The following FBXO22 variants were observed in gnomAD, a reference collection of about 807,000 sequenced individuals.
FBXO22 encodes the protein F-box protein 22.
FBXO22 carries 13 observed loss-of-function variants against 37.2 expected under a neutral mutation model. That is an observed-to-expected ratio of 0.35 (90% CI 0.23 to 0.56). FBXO22 has a LOEUF of 0.56. Ranked by LOEUF, FBXO22 falls within the 20% of genes least tolerant of loss-of-function variation. The pLI is 0.87. For missense variants in FBXO22, 446 were observed against 509.9 expected (o/e 0.87, Z 1.21); for synonymous variants, 189 against 189.1 (o/e 1.00, Z 0.00).
At chr15:75,907,171 A>C (rs1433331525) in intron 2 of FBXO22, among the ~76,000 whole-genome samples, 1 of 152,222 alleles carries the variant, frequency 6.6e-6, no homozygotes, top group Non-Finnish European at 1.5e-5. Flanking sequence ...AGACAGACTT[A>C]GTTGTGAACC....
intron 5 of FBXO22, among the ~76,000 whole-genome samples, chr15:75,923,745 T>A (rs1900379041): frequency 6.6e-6 from 1 of 152,216 alleles, no homozygotes; most frequent in African/African-American, 2.4e-5. Flanking sequence ...ATATGCCTTT[T>A]AAATTTTTCA....
At chr15:75,932,566 A>C (rs546343103) in intron 6 of FBXO22, 119 bp from the exon 7 acceptor site, 4 of 915,158 alleles carry the variant, frequency 4.4e-6, no homozygotes, top group Admixed American at 2.5e-5. Context: ...GGTGAGCCTC[A>C]GATTAACCAT....
chr15:75,937,153 G>A lies in FBXO22; in HGVS notation c.*4051G>A, dbSNP rs763041700. Reference sequence around the variant, plus strand: ...GGAATAAAACATAATTGACCCCAGCGACATCAGCAAAAATGGGTGGACTAG... The same window carrying A: ...GGAATAAAACATAATTGACCCCAGCAACATCAGCAAAAATGGGTGGACTAG... On this transcript the variant is annotated 3_prime_UTR_variant, in exon 7 of 7. Coordinates refer to ENST00000308275, the MANE Select transcript of FBXO22 (RefSeq NM_147188.3). 6.6e-6 allele frequency: 1 copy of A among 151,116 alleles called. No homozygotes were observed. The highest frequency in any genetic ancestry group is 1.5e-5 in the Non-Finnish European group (1 of 67,818). 9.4% of individuals were successfully genotyped at this position (151,116 alleles called of 1,614,324 possible). A position where few individuals can be genotyped will look rare whatever the true frequency, so the allele number is the denominator to read the frequency against.
At chr15:75,921,320 A>G (rs577015935) in intron 5 of FBXO22, among the ~76,000 whole-genome samples, 167 of 152,322 alleles carry the variant, frequency 1.1e-3, no homozygotes, top group African/African-American at 3.9e-3. Flanking sequence ...GTATACTACT[A>G]TATAGTTTAT....
chr15:75,905,770 T>A (rs1382987937), intron 2 of FBXO22: 1 of 152,232 alleles, frequency 6.6e-6, no homozygotes, highest in African/African-American at 2.4e-5. Flanking sequence ...AGAACATCCA[T>A]CAATTGTGTC....
intron 1 of FBXO22, 50 bp downstream of exon 1, chr15:75,904,153 G>T (rs1595908867): frequency 6.7e-7 from 1 of 1,499,010 alleles, no homozygotes. Context: ...CACGCCGTGG[G>T]CATGTCCCAG....
chr15:75,906,946 AAAC>A (rs1899942595), intron 2 of FBXO22, among the ~76,000 whole-genome samples: 1 of 152,248 alleles, frequency 6.6e-6, no homozygotes, highest in Non-Finnish European at 1.5e-5. Flanking sequence ...TTAAAAGTGA[AAAC>A]AGATTATGAA....
At chr15:75,917,146 C>A in intron 4 of FBXO22, 84 bp from the exon 5 acceptor site, 1 of 965,556 alleles carries the variant, frequency 1.0e-6, no homozygotes, top group Non-Finnish European at 1.5e-6. Flanking sequence ...GGCTTGTTAG[C>A]TTAATGATTA....
chr15:75,930,206 A>G lies in FBXO22; in HGVS notation c.794+157A>G. The G allele has an allele frequency of 2.7e-6, 4 of 1,460,010 alleles. No individual in the cohort carries two copies. The Admixed American group carries it at 1.1e-4, about 38-fold the overall frequency. 90.4% of individuals were successfully genotyped at this position (1,460,010 alleles called of 1,614,324 possible). On this transcript the variant is annotated intron_variant, in intron 6 of 6. Coordinates refer to ENST00000308275, the MANE Select transcript of FBXO22 (RefSeq NM_147188.3). Reference sequence around the variant, plus strand: ...TAGACATTGGCTAAGGGGCTTACTGAACATAATTCTGCTTACGGTTGAATA... The same window carrying G: ...TAGACATTGGCTAAGGGGCTTACTGGACATAATTCTGCTTACGGTTGAATA...
chr15:75,929,851 T>C, intron 5 of FBXO22, 33 bp from the exon 6 acceptor site: 1 of 1,611,030 alleles, frequency 6.2e-7, no homozygotes, highest in East Asian at 2.2e-5. Flanking sequence ...GTTTTAAGGC[T>C]GTCTTTAACT....
At chr15:75,915,824 C>A (rs1447379761) in intron 4 of FBXO22, among the ~76,000 whole-genome samples, 2 of 150,940 alleles carry the variant, frequency 1.3e-5, no homozygotes, top group Non-Finnish European at 2.9e-5. Flanking sequence ...TGCTTGAGCC[C>A]GGGAGGCAGA....
chr15:75,917,268 A>G lies in FBXO22; in HGVS notation c.502A>G (p.Ile168Val). Reference protein sequence around the residue: ...MGSGSNRPQEIEIGESGFALL... With the variant: ...MGSGSNRPQEVEIGESGFALL... ...ATCAGGTAGCAATCGACCTCAGGAA[A>G]TAGAAATTGGAGAATCTGGTTTTGC... The change falls in exon 5 of 7, where the codon ATA becomes GTA. Residue 168 changes from isoleucine (I) to valine (V), a missense_variant. Ile to Val is a conservative substitution (Grantham distance 29, BLOSUM62 3). Around this residue, in one of 2 missense-constraint regions of FBXO22, gnomAD observed 315 missense variants for 410.1 expected, o/e 0.77. Coordinates refer to ENST00000308275, the MANE Select transcript of FBXO22 (RefSeq NM_147188.3). 6.2e-7 allele frequency: 1 copy of G among 1,612,906 alleles called. No individual in the cohort carries two copies. Among genetic ancestry groups the G allele is most frequent in the Non-Finnish European group, 8.5e-7 (1 of 1,179,594 alleles).
In FBXO22 at chr15:75,935,905, A is replaced by T. The variant is rs539617649; in HGVS notation, c.*2803A>T. The T allele has an allele frequency of 6.6e-6, 1 of 152,130 alleles. No individual in the cohort carries two copies. Among genetic ancestry groups the T allele is most frequent in the South Asian group, 2.1e-4 (1 of 4,816 alleles). The allele number at this position is 152,130 out of a possible 1,614,324, so 9.4% of individuals were successfully genotyped here. A position where few individuals can be genotyped will look rare whatever the true frequency, so the allele number is the denominator to read the frequency against. On this transcript the variant is annotated 3_prime_UTR_variant, in exon 7 of 7. Coordinates refer to ENST00000308275, the MANE Select transcript of FBXO22 (RefSeq NM_147188.3). ...CAGGTTCACGCCATTCTCCTGCCTC[A>T]GCCTCCCGAGTAGCTGGGACTACAG...
chr15:75,912,287 AT>A (rs1268455642), intron 2 of FBXO22, among the ~76,000 whole-genome samples: 1 of 152,152 alleles, frequency 6.6e-6, no homozygotes, highest in East Asian at 1.9e-4. Context: ...GTCTCATAAA[AT>A]GAGTTAGGGA....
chr15:75,937,813 G>C lies in FBXO22; in HGVS notation c.*4711G>C, dbSNP rs335722. 149,121 of 152,292 alleles carry C rather than the reference G, an allele frequency of 0.98. 73,085 individuals are homozygous for C. Among genetic ancestry groups the C allele is most frequent in the East Asian group, 1 (5,184 of 5,184 alleles). The allele number at this position is 152,292 out of a possible 1,614,324, so 9.4% of individuals were successfully genotyped here. ...TTGAAGGACTGACACAAGGTCACAT[G>C]TTTGTTTTGCCTAACTGGTAGGGTG... On this transcript the variant is annotated 3_prime_UTR_variant, in exon 7 of 7. Transcript: ENST00000308275.
At chr15:75,914,054 C>A in intron 3 of FBXO22, 56 bp from the exon 4 acceptor site, 2 of 1,298,364 alleles carry the variant, frequency 1.5e-6, no homozygotes, top group Non-Finnish European at 2.2e-6. Context: ...CTTTTTCATT[C>A]TCAGATTTGA....
intron 4 of FBXO22, among the ~76,000 whole-genome samples, 171 bp downstream of exon 4, chr15:75,914,376 A>G (rs1383947679): frequency 1.3e-5 from 2 of 152,228 alleles, no homozygotes; most frequent in Non-Finnish European, 2.9e-5. Context: ...AATGTTTATT[A>G]AGTTATTGTA....
At chr15:75,914,891 G>A (rs1318410057) in intron 4 of FBXO22, among the ~76,000 whole-genome samples, 1 of 152,222 alleles carries the variant, frequency 6.6e-6, no homozygotes, top group East Asian at 1.9e-4. Flanking sequence ...TTGGAGGGTT[G>A]TGAGAATTAA....
chr15:75,915,848 C>T (rs963269173), intron 4 of FBXO22, among the ~76,000 whole-genome samples: 5 of 150,134 alleles, frequency 3.3e-5, no homozygotes, highest in African/African-American at 9.8e-5. Flanking sequence ...TGCAGTGAGC[C>T]GAGATCACGC....
Sources: allele counts gnomAD v4.1 joint callset (sites outside exome capture counted in the v4.1 genomes callset), GRCh38; gene constraint gnomAD v4.1.1; regional missense constraint gnomAD v4.1.1; transcripts MANE v1.5; gene names NCBI Gene and HGNC (gene_info 2026-07-23, HGNC 2026-07-21).